The following ADAMTS13 variants were observed in gnomAD, a reference collection of about 807,000 sequenced individuals.
ADAMTS13 encodes the protein ADAM metallopeptidase with thrombospondin type 1 motif 13.
Under a neutral mutation model 155.1 loss-of-function variants are expected in ADAMTS13, and 110 were observed. The ratio of observed to expected loss-of-function variants is 0.71; its 90% CI spans 0.61 to 0.83. ADAMTS13 has a LOEUF of 0.83. ADAMTS13 is among the 40% of genes least tolerant of loss of function. The pLI is 0.00. For missense variants in ADAMTS13, 1,707 were observed against 1,891.7 expected, an observed-to-expected ratio of 0.90 and a Z score of 1.81; for synonymous variants, 758 against 756.4, an observed-to-expected ratio of 1.00 and a Z score of -0.03.
intron 18 of ADAMTS13, 23 bp from the exon 19 acceptor site, chr9:133,443,353 C>T (rs183047698): frequency 2.0e-5 from 31 of 1,582,540 alleles, no homozygotes; most frequent in South Asian, 2.3e-5. Context: ...GCCAGGGTCC[C>T]GACGCTCTGT....
At chr9:133,429,177 C>T (rs1840525409) in intron 7 of ADAMTS13, among the ~76,000 whole-genome samples, 1 of 114,006 alleles carries the variant, frequency 8.8e-6, no homozygotes, top group South Asian at 3.3e-4. Context: ...ACCCACCCCC[C>T]CGTCCCACCC....
At chr9:133,453,779 C>A (rs143048323) in intron 23 of ADAMTS13, among the ~76,000 whole-genome samples, 1 of 152,200 alleles carries the variant, frequency 6.6e-6, no homozygotes, top group Non-Finnish European at 1.5e-5. Context: ...GAACAATCCA[C>A]GCTCTGAGAG....
upstream of ADAMTS13, among the ~76,000 whole-genome samples, chr9:133,421,256 A>C (rs36218236): frequency 0.015 from 2,230 of 152,240 alleles, 39 homozygotes; most frequent in African/African-American, 0.045. Context: ...ACACAGCAAG[A>C]CTCTGTCTCA....
rs782752936 is a variant in ADAMTS13 at position 133,433,540 on chromosome 9, G to A, written c.1244+11G>A. ...GTGCAACAACCCCAGGTACCGCAGG[G>A]AGGGTGCTTTTCTGTCAGGGAGTGT... is the stretch of plus-strand genomic sequence containing the variant. On this transcript the variant is annotated intron_variant, in intron 10 of 28. Coordinates refer to ENST00000355699, the MANE Select transcript of ADAMTS13 (RefSeq NM_139027.6). 2.5e-6 allele frequency: 4 copies of A among 1,613,700 alleles called. No homozygotes were observed. In the South Asian group the frequency reaches 4.4e-5, roughly 18 times the overall value.
chr9:133,430,746 C>T (rs182689178), intron 8 of ADAMTS13, among the ~76,000 whole-genome samples: 1,569 of 150,660 alleles, frequency 0.01, 109 homozygotes, highest in Admixed American at 0.087. Context: ...CTGCAGGCTC[C>T]GCCTGCCAGA....
Position 133,456,690 on chromosome 9 carries a change from G to A in ADAMTS13, c.3695G>A (p.Ser1232Asn), listed in dbSNP as rs373393360. The A allele has an allele frequency of 1.2e-4, 196 of 1,580,308 alleles. No individual in the cohort carries two copies. Among genetic ancestry groups the A allele is most frequent in the Non-Finnish European group, 1.3e-4 (156 of 1,162,512 alleles). ...GGTGGGGTGCTGCTGCGGTATGGGA[G>A]CCAGCTTGCTCCTGAAACCTTCTAC... ...PGGGVLLRYG[S>N]QLAPETFYRE... The change falls in exon 27 of 29, where the codon AGC (serine) becomes AAC (asparagine). Residue 1232 changes from serine to asparagine, a missense_variant. Transcript: ENST00000355699. This position sits in a 1 kb window ranked among gnomAD's most constrained non-coding sequence, Gnocchi z 4.4.
intron 9 of ADAMTS13, 64 bp downstream of exon 9, chr9:133,432,756 G>A (rs1840864361): frequency 6.8e-7 from 1 of 1,478,876 alleles, no homozygotes. Flanking sequence ...CTCCAGCCAG[G>A]CCGCCCTATT....
intron 22 of ADAMTS13, among the ~76,000 whole-genome samples, chr9:133,449,450 G>T (rs1842290469): frequency 1.3e-5 from 2 of 152,040 alleles, no homozygotes; most frequent in Admixed American, 1.3e-4. Flanking sequence ...GGGCTGGCGG[G>T]GTGGGCTCCA....
rs3124767 is a variant in ADAMTS13 at position 133,443,421 on chromosome 9, T to C, written c.2280T>C (p.Gly760=). The C allele has an allele frequency of 0.57, 913,744 of 1,595,854 alleles. 267,720 individuals are homozygous for C. The highest frequency in any genetic ancestry group is 0.67 in the African/African-American group (50,478 of 74,882). Residue 760 remains glycine, a synonymous_variant, in exon 19 of 29, where the codon GGT becomes GGC. Coordinates refer to ENST00000355699, the MANE Select transcript of ADAMTS13 (RefSeq NM_139027.6). ...DFGPCSASCG[G]GLRERPVRCV... ...GCCCATGCAGCGCCTCCTGTGGGGG[T>C]GGCCTGCGGGAGCGGCCAGTGCGCT...
chr9:133,437,622 T>C, intron 12 of ADAMTS13, 127 bp from the exon 13 acceptor site: 1 of 1,048,302 alleles, frequency 9.5e-7, no homozygotes, highest in Non-Finnish European at 1.4e-6. Flanking sequence ...GATTATTGCC[T>C]TAGGAGGTGG....
chr9:133,444,342 G>C (rs1554791838), intron 19 of ADAMTS13, among the ~76,000 whole-genome samples: 2 of 151,996 alleles, frequency 1.3e-5, no homozygotes, highest in African/African-American at 4.8e-5. Flanking sequence ...AGAGTAGGAG[G>C]GATGGGTTCT....
chr9:133,417,501 C>A (rs782016621), upstream of ADAMTS13: 1 of 1,062,222 alleles, frequency 9.4e-7, no homozygotes, highest in South Asian at 1.4e-5. Context: ...AAGCTGTTTA[C>A]AAGATTTCGA....
Position 133,444,884 on chromosome 9 carries a change from C to CTCA in ADAMTS13, c.2444_2446dup (p.Ser815dup), listed in dbSNP as rs1554792002. 1.2e-6 allele frequency: 2 copies of CTCA among 1,613,044 alleles called. No individual in the cohort carries two copies. Among genetic ancestry groups the CTCA allele is most frequent in the Non-Finnish European group, 1.7e-6 (2 of 1,180,034 alleles). ...TCAGGTGGGAGGTGTCAGAGCCCAGCTCATGCACATCAGCTGGTGGAGCAG... is the reference window on the plus strand; with the variant it reads ...TCAGGTGGGAGGTGTCAGAGCCCAGCTCATCATGCACATCAGCTGGTGGAGCAG... On this transcript the variant is annotated inframe_insertion, in exon 20 of 29. Transcript: ENST00000355699.
In ADAMTS13 at chr9:133,424,269, C is replaced by T. The variant is rs1840130659; in HGVS notation, c.173-52C>T. The T allele has an allele frequency of 6.2e-7, 1 of 1,605,478 alleles. No individual in the cohort carries two copies. Among genetic ancestry groups the T allele is most frequent in the Non-Finnish European group, 8.5e-7 (1 of 1,179,610 alleles). On this transcript the variant is annotated intron_variant, in intron 2 of 28. Transcript: ENST00000355699. The surrounding 1 kb of genome is among the most constrained non-coding windows in gnomAD (Gnocchi z 4.3). ...GCCAGCCCCTTTCCTGTTAGCTTTC[C>T]ACTGCTTGCTCTCTAGAACCATCGC...
chr9:133,428,572 GCCCCCA>G (rs1222392622), intron 6 of ADAMTS13, 56 bp from the exon 7 acceptor site: 14 of 45,310 alleles, frequency 3.1e-4, no homozygotes, highest in Middle Eastern at 0.011. Context: ...CCCCCGTCCC[GCCCCCA>G]CCCCCGCCCC....
At chr9:133,418,051 C>T, upstream of ADAMTS13, 1 of 572,144 alleles carries the variant, frequency 1.7e-6, no homozygotes, top group East Asian at 3.0e-5. Context: ...GCGCTCGTCT[C>T]TCCACAACCG....
At chr9:133,422,178 G>A (rs1329778404), upstream of ADAMTS13, 4 of 563,022 alleles carry the variant, frequency 7.1e-6, no homozygotes, top group Non-Finnish European at 1.3e-5. Context: ...GTGCACATCC[G>A]GAGAGCTGTC....
chr9:133,451,755 G>A (rs905726865), intron 23 of ADAMTS13, among the ~76,000 whole-genome samples: 2 of 151,918 alleles, frequency 1.3e-5, no homozygotes, highest in African/African-American at 4.8e-5. Flanking sequence ...GCCGGGCATG[G>A]TGGTGCATGC....
At position 133,456,780 on chromosome 9, in the gene ADAMTS13, G is replaced by T. The variant is rs1554796182; in HGVS notation, c.3724+61G>T. ...CCAGTCCTGGCAGGGAGGCTGGGTGGGTGCTGCTGGGGATGGGGCCAGTCC... is the reference window on the plus strand; with the variant it reads ...CCAGTCCTGGCAGGGAGGCTGGGTGTGTGCTGCTGGGGATGGGGCCAGTCC... On this transcript the variant is annotated intron_variant, in intron 27 of 28. Coordinates refer to ENST00000355699, the MANE Select transcript of ADAMTS13 (RefSeq NM_139027.6). The surrounding 1 kb of genome is among the most constrained non-coding windows in gnomAD (Gnocchi z 4.4). The T allele has an allele frequency of 6.5e-7, 1 of 1,540,820 alleles. No homozygotes were observed. Among genetic ancestry groups the T allele is most frequent in the Admixed American group, 2.0e-5 (1 of 50,994 alleles).
Sources: gnomAD v4.1 joint callset for allele counts (sites outside exome capture counted in the v4.1 genomes callset) on GRCh38, gnomAD v4.1.1 for gene constraint, Gnocchi (gnomAD v3.1) non-coding constraint, MANE v1.5 for transcripts, NCBI Gene and HGNC (gene_info 2026-07-23, HGNC 2026-07-21) for gene names.